Variants in NF2 observed in about 807,000 individuals in gnomAD.
NF2 encodes the protein NF2, moesin-ezrin-radixin like (MERLIN) tumor suppressor.
NF2 carries 8 observed loss-of-function variants against 83.7 expected under a neutral mutation model. That is an observed-to-expected ratio of 0.10 (90% confidence interval 0.06 to 0.17). NF2 has a LOEUF of 0.17. NF2 is among the 10% of genes least tolerant of loss of function. The probability of loss-of-function intolerance (pLI) is 1.00; values close to 1 mark genes in which losing one functional copy is unlikely to be tolerated. For missense variants in NF2, 533 were observed against 744.4 expected (o/e 0.72, Z 3.31); for synonymous variants, 266 against 269.6 (o/e 0.99, Z 0.13).
rs201864019 is a variant in NF2 at position 29,629,005 on chromosome 22, GTC to G, written c.115-7735_115-7734del. On this transcript the variant is annotated intron_variant, in intron 1 of 15. Coordinates refer to ENST00000338641, the MANE Select transcript of NF2 (RefSeq NM_000268.4). ...AGGATTGGTACAGCAGAGGAAAAAA[GTC>G]TCTCTCTCTCCCCACTCCCCTCTTT... is the stretch of plus-strand genomic sequence containing the variant. Among the ~76,000 whole-genome samples the G allele has an allele frequency of 4.2e-3, 640 of 151,978 alleles. 4 individuals are homozygous for G. Among genetic ancestry groups the G allele is most frequent in the African/African-American group, 0.015 (610 of 41,448 alleles).
At chr22:29,673,773 A>T (rs1041318807) in intron 12 of NF2, among the ~76,000 whole-genome samples, 1 of 151,440 alleles carries the variant, frequency 6.6e-6, no homozygotes, top group African/African-American at 2.4e-5. Context: ...GTGCAGGAAA[A>T]CCCCTGAGCA....
chr22:29,625,978 ATAAAACT>A (rs2065356629), intron 1 of NF2, among the ~76,000 whole-genome samples: 1 of 152,156 alleles, frequency 6.6e-6, no homozygotes, highest in Non-Finnish European at 1.5e-5. Flanking sequence ...TGACATTCAG[ATAAAACT>A]TAAAACTGAA....
At chr22:29,664,125 T>G (rs1367742062) in intron 8 of NF2, among the ~76,000 whole-genome samples, 1 of 152,192 alleles carries the variant, frequency 6.6e-6, no homozygotes, top group East Asian at 1.9e-4. Context: ...TTCTTTTTTT[T>G]GAGATAGGGG....
chr22:29,660,397 C>T (rs911547878), intron 7 of NF2, among the ~76,000 whole-genome samples: 1 of 152,128 alleles, frequency 6.6e-6, no homozygotes, highest in African/African-American at 2.4e-5. Flanking sequence ...AGTGAATACC[C>T]ATATATATGC....
At chr22:29,672,765 G>A (rs567962995) in intron 11 of NF2, among the ~76,000 whole-genome samples, 18 of 149,500 alleles carry the variant, frequency 1.2e-4, no homozygotes, top group Admixed American at 3.4e-4. Context: ...ACAGGTGCGC[G>A]CCAACACATC....
At chr22:29,657,541 G>C (rs2066348596) in intron 6 of NF2, among the ~76,000 whole-genome samples, 1 of 152,202 alleles carries the variant, frequency 6.6e-6, no homozygotes, top group Non-Finnish European at 1.5e-5. Context: ...AATTCATTGA[G>C]AGCATTTGGA....
At chr22:29,638,031 G>A (rs950669309) in intron 2 of NF2, among the ~76,000 whole-genome samples, 3 of 152,110 alleles carry the variant, frequency 2.0e-5, no homozygotes, top group Non-Finnish European at 4.4e-5. Flanking sequence ...TTAGACTGGG[G>A]GCATCAGGAG....
intron 1 of NF2, among the ~76,000 whole-genome samples, chr22:29,628,140 CTG>C (rs3138701): frequency 0.086 from 12,047 of 139,508 alleles, 685 homozygotes; most frequent in East Asian, 0.34. Flanking sequence ...GAGACTTAAT[CTG>C]TGTGTGTGTG....
chr22:29,665,172 A>G (rs1015264245), intron 9 of NF2, 108 bp downstream of exon 9: 4 of 864,688 alleles, frequency 4.6e-6, no homozygotes, highest in African/African-American at 3.4e-5. Flanking sequence ...ATAGAATGGT[A>G]TCTCACTTGG....
chr22:29,691,682 G>A (rs1205597616), intron 15 of NF2, among the ~76,000 whole-genome samples: 1 of 152,220 alleles, frequency 6.6e-6, no homozygotes, highest in African/African-American at 2.4e-5. Context: ...AGCAGATGGT[G>A]AAAGATCCAC....
intron 1 of NF2, among the ~76,000 whole-genome samples, chr22:29,624,716 G>A (rs1297330949): frequency 6.6e-6 from 1 of 152,106 alleles, no homozygotes; most frequent in African/African-American, 2.4e-5. Flanking sequence ...GATTGTCCAT[G>A]CCTTTGTAAT....
chr22:29,663,431 AAAG>A (rs1438934803), intron 8 of NF2, among the ~76,000 whole-genome samples: 1 of 152,242 alleles, frequency 6.6e-6, no homozygotes, highest in Non-Finnish European at 1.5e-5. Flanking sequence ...ACTTGACATA[AAAG>A]AAGTAGTCTT....
At chr22:29,639,303 G>A in intron 3 of NF2, 91 bp downstream of exon 3, 1 of 1,504,752 alleles carries the variant, frequency 6.6e-7, no homozygotes, top group East Asian at 2.3e-5. Flanking sequence ...AAACACCTTT[G>A]TATTGCAAAA....
intron 4 of NF2, among the ~76,000 whole-genome samples, chr22:29,643,307 T>A (rs1319677558): frequency 1.3e-5 from 2 of 151,852 alleles, no homozygotes; most frequent in Non-Finnish European, 2.9e-5. Context: ...TTTTTTTTTT[T>A]TTATTGATCA....
chr22:29,677,500 C>CAA (rs200098005), intron 13 of NF2, among the ~76,000 whole-genome samples: 7 of 128,754 alleles, frequency 5.4e-5, no homozygotes, highest in Admixed American at 7.9e-5. Context: ...GATGAAAGTC[C>CAA]AAAAAAAAAA....
intron 9 of NF2, among the ~76,000 whole-genome samples, chr22:29,665,759 A>G (rs1465358542): frequency 6.6e-6 from 1 of 151,326 alleles, no homozygotes; most frequent in Admixed American, 6.6e-5. Context: ...GGTCAGGAAA[A>G]AAAAAAAAAA....
intron 4 of NF2, among the ~76,000 whole-genome samples, chr22:29,643,246 G>A (rs949910223): frequency 6.6e-6 from 1 of 151,448 alleles, no homozygotes; most frequent in Non-Finnish European, 1.5e-5. Flanking sequence ...CTCCCAAAGT[G>A]CTGGGATTAC....
rs1317349193 is a variant in NF2, at chr22:29,661,358, G to A, written c.810+19G>A. On this transcript the variant is annotated intron_variant, in intron 8 of 15. Coordinates refer to ENST00000338641, the MANE Select transcript of NF2 (RefSeq NM_000268.4). ...CAAGGAGGTAGGACATGTGTGTACT[G>A]CAGATGGGTCCAGCAGATCTTTCCC... 1 of 1,613,042 alleles carries A rather than the reference G, an allele frequency of 6.2e-7. No homozygotes were observed. Among genetic ancestry groups the A allele is most frequent in the African/African-American group, 1.3e-5 (1 of 74,922 alleles).
chr22:29,664,380 C>T (rs1416556050), intron 8 of NF2, among the ~76,000 whole-genome samples: 1 of 151,276 alleles, frequency 6.6e-6, no homozygotes, highest in Non-Finnish European at 1.5e-5. Flanking sequence ...ACCACACACA[C>T]ACACACACAC....
Sources: allele counts gnomAD v4.1 joint callset (sites outside exome capture counted in the v4.1 genomes callset), GRCh38; gene constraint gnomAD v4.1.1; transcripts MANE v1.5; gene names NCBI Gene and HGNC (gene_info 2026-07-23, HGNC 2026-07-21).